TTC28: variants seen among roughly 807,000 people sequenced by gnomAD.
TTC28 encodes the protein tetratricopeptide repeat domain 28, also known as tetratricopeptide repeat protein 28.
Under a neutral mutation model 198.0 loss-of-function variants are expected in TTC28, and 61 were observed. The ratio of observed to expected loss-of-function variants is 0.31; its 90% CI spans 0.25 to 0.38. The LOEUF (loss-of-function observed/expected upper bound fraction) is 0.38. Ranked by LOEUF, TTC28 falls within the 10% of genes least tolerant of loss-of-function variation. The pLI is 1.00. For synonymous variants in TTC28, 1,171 were observed against 1,297.8 expected, an observed-to-expected ratio of 0.90 and a Z score of 2.10; for missense variants, 2,678 against 3,164.0, an observed-to-expected ratio of 0.85 and a Z score of 3.69.
intron 12 of TTC28, among the ~76,000 whole-genome samples, chr22:28,047,083 C>G (rs1408061429): frequency 6.6e-6 from 1 of 152,216 alleles, no homozygotes; most frequent in Non-Finnish European, 1.5e-5. Flanking sequence ...TACCACCATA[C>G]AGTGAGTCCC....
At chr22:28,027,342 A>G (rs983417308) in intron 13 of TTC28, among the ~76,000 whole-genome samples, 1 of 152,220 alleles carries the variant, frequency 6.6e-6, no homozygotes, top group Non-Finnish European at 1.5e-5. Context: ...TGGGTTCAAA[A>G]TGCACATGTG....
chr22:28,411,814 A>T (rs1459610050), intron 2 of TTC28, among the ~76,000 whole-genome samples: 1 of 152,238 alleles, frequency 6.6e-6, no homozygotes, highest in Non-Finnish European at 1.5e-5. Context: ...ATGAGAAACA[A>T]CCAAAACCAA....
chr22:28,013,152 C>T (rs1328613702), intron 14 of TTC28, among the ~76,000 whole-genome samples: 1 of 152,208 alleles, frequency 6.6e-6, no homozygotes, highest in East Asian at 1.9e-4. Flanking sequence ...GATGTGGTTT[C>T]CCGGGGATAC....
intron 1 of TTC28, among the ~76,000 whole-genome samples, chr22:28,633,505 G>A (rs972684734): frequency 1.3e-5 from 2 of 151,900 alleles, no homozygotes; most frequent in Non-Finnish European, 2.9e-5. Context: ...ACACGCACCT[G>A]TATTCCCAGC....
At chr22:28,230,973 G>A (rs1321340216) in intron 5 of TTC28, among the ~76,000 whole-genome samples, 3 of 152,110 alleles carry the variant, frequency 2.0e-5, no homozygotes, top group Non-Finnish European at 4.4e-5. Flanking sequence ...AGTGTTTTAT[G>A]GGTATGAATT....
At chr22:28,412,667 C>A (rs1175088730) in intron 2 of TTC28, among the ~76,000 whole-genome samples, 1 of 152,234 alleles carries the variant, frequency 6.6e-6, no homozygotes, top group Non-Finnish European at 1.5e-5. Flanking sequence ...TCCTTTAGTG[C>A]CAGCTCTGCT....
At chr22:28,383,642 C>T (rs2046530027) in intron 2 of TTC28, among the ~76,000 whole-genome samples, 1 of 152,174 alleles carries the variant, frequency 6.6e-6, no homozygotes, top group African/African-American at 2.4e-5. Context: ...TCATATCCCA[C>T]ATTCAATACT....
chr22:28,204,596 C>A (rs543172752), intron 5 of TTC28, among the ~76,000 whole-genome samples: 1 of 152,028 alleles, frequency 6.6e-6, no homozygotes, highest in Non-Finnish European at 1.5e-5. Context: ...CTCATCACTC[C>A]GTGAAAGACT....
rs904919368 is a variant in TTC28 at position 28,123,252 on chromosome 22, G to T, written c.1442-14849C>A. The stretch of plus-strand genomic sequence containing the variant: ...CCCACTGTTTCAGGTTTTTTTTTTT[G>T]TTTGTTTGTTTGTTTGTTTTTGAGA... On this transcript the variant is annotated intron_variant, in intron 6 of 22. Transcript: ENST00000397906. Among the ~76,000 whole-genome samples the T allele has an allele frequency of 3.0e-3, 446 of 147,196 alleles. 1 individual carries two copies. Among genetic ancestry groups the T allele is most frequent in the Non-Finnish European group, 4.9e-3 (326 of 66,366 alleles).
intron 5 of TTC28, among the ~76,000 whole-genome samples, chr22:28,270,293 G>C (rs954286742): frequency 6.6e-6 from 1 of 152,110 alleles, no homozygotes; most frequent in African/African-American, 2.4e-5. Context: ...TTTTTAAAAA[G>C]AGCAAATATT....
chr22:28,442,306 C>T (rs931549772), intron 2 of TTC28, among the ~76,000 whole-genome samples: 2 of 152,236 alleles, frequency 1.3e-5, no homozygotes, highest in African/African-American at 2.4e-5. Context: ...CTCAGGAGCC[C>T]CGCAGGCTGA....
chr22:28,249,492 A>G (rs905711044), intron 5 of TTC28, among the ~76,000 whole-genome samples: 3 of 152,214 alleles, frequency 2.0e-5, no homozygotes, highest in Non-Finnish European at 4.4e-5. Flanking sequence ...GTAGTACATG[A>G]GGACATTCTC....
At chr22:28,146,140 T>C (rs1555923607) in intron 6 of TTC28, among the ~76,000 whole-genome samples, 3 of 152,154 alleles carry the variant, frequency 2.0e-5, no homozygotes, top group Non-Finnish European at 4.4e-5. Context: ...AACAACACTG[T>C]AAAAGCCCCT....
chr22:28,150,025 T>C (rs1377908488), intron 6 of TTC28, among the ~76,000 whole-genome samples: 1 of 152,142 alleles, frequency 6.6e-6, no homozygotes, highest in African/African-American at 2.4e-5. Context: ...ACTTTGTCAA[T>C]TAAAAGTTAA....
At chr22:28,431,715 C>T (rs534383780) in intron 2 of TTC28, among the ~76,000 whole-genome samples, 35 of 152,288 alleles carry the variant, frequency 2.3e-4, no homozygotes, top group South Asian at 1.0e-3. Context: ...CAGTGCCGCA[C>T]GCCTGTAATC....
At chr22:28,467,164 T>C (rs2048033611) in intron 2 of TTC28, among the ~76,000 whole-genome samples, 3 of 152,234 alleles carry the variant, frequency 2.0e-5, no homozygotes, top group Admixed American at 2.0e-4. Context: ...CTCACATCTG[T>C]AATCCCAACA....
At position 28,540,817 on chromosome 22, in the gene TTC28, G is replaced by GA. The variant is rs550241184; in HGVS notation, c.381+88734dup. Among the ~76,000 whole-genome samples the GA allele has an allele frequency of 1.3e-3, 205 of 152,204 alleles. 6 individuals carry two copies. In the South Asian group the frequency reaches 0.04, roughly 30 times the overall value. On this transcript the variant is annotated intron_variant, in intron 2 of 22. Transcript: ENST00000397906. Reference sequence around the variant, plus strand: ...AATATGCTTCCTTCATTCTACAGGGGAAAAAATTGATATCTGAATAGTTTG... The same window carrying GA: ...AATATGCTTCCTTCATTCTACAGGGGAAAAAAATTGATATCTGAATAGTTTG...
At chr22:28,124,812 T>C (rs1942875989) in intron 6 of TTC28, among the ~76,000 whole-genome samples, 2 of 152,220 alleles carry the variant, frequency 1.3e-5, no homozygotes, top group South Asian at 4.1e-4. Flanking sequence ...TGTCACTTCA[T>C]GCTCCTAGAA....
chr22:28,424,507 T>C (rs993356975), intron 2 of TTC28, among the ~76,000 whole-genome samples: 4 of 152,246 alleles, frequency 2.6e-5, no homozygotes, highest in Non-Finnish European at 5.9e-5. Flanking sequence ...ACAGAGATGA[T>C]GCCTTTTTAG....
Sources: allele counts gnomAD v4.1 joint callset (sites outside exome capture counted in the v4.1 genomes callset), GRCh38; gene constraint gnomAD v4.1.1; transcripts MANE v1.5; gene names NCBI Gene and HGNC (gene_info 2026-07-23, HGNC 2026-07-21).